GAD2: variants seen among roughly 807,000 people sequenced by gnomAD.
The protein encoded by GAD2 is 65 kDa glutamic acid decarboxylase.
Under a neutral mutation model 80.1 loss-of-function variants are expected in GAD2, and 22 were observed. The ratio of observed to expected loss-of-function variants is 0.27; its 90% CI spans 0.20 to 0.39. The LOEUF is 0.39. Among genes scored for constraint, GAD2 ranks in the 10% least tolerant of loss-of-function variants. The pLI is 1.00. For missense variants in GAD2, 624 were observed against 738.4 expected, an observed-to-expected ratio of 0.85 and a Z score of 1.80; for synonymous variants, 274 against 256.9, an observed-to-expected ratio of 1.07 and a Z score of -0.64.
intron 8 of GAD2, among the ~76,000 whole-genome samples, chr10:26,264,470 G>A (rs560387878): frequency 4.9e-5 from 7 of 142,804 alleles, no homozygotes; most frequent in African/African-American, 9.8e-5. Flanking sequence ...CACCACGCCC[G>A]GCTGATTTTT....
At chr10:26,223,141 T>C (rs936888938) in intron 4 of GAD2, among the ~76,000 whole-genome samples, 2 of 152,240 alleles carry the variant, frequency 1.3e-5, no homozygotes, top group Non-Finnish European at 2.9e-5. Flanking sequence ...AATCAGTCGA[T>C]TGAGTATATC....
At chr10:26,281,822 A>G (rs1349169101) in intron 12 of GAD2, among the ~76,000 whole-genome samples, 1 of 152,128 alleles carries the variant, frequency 6.6e-6, no homozygotes, top group Non-Finnish European at 1.5e-5. Context: ...CCTCACTCCC[A>G]CATTTATTTT....
intron 13 of GAD2, among the ~76,000 whole-genome samples, chr10:26,289,799 T>C (rs1229622989): frequency 6.6e-6 from 1 of 151,428 alleles, no homozygotes; most frequent in African/African-American, 2.4e-5. Context: ...CCACCTTTTT[T>C]TTTTTTTTTT....
At chr10:26,227,031 C>T (rs1266232769) in intron 6 of GAD2, among the ~76,000 whole-genome samples, 1 of 152,174 alleles carries the variant, frequency 6.6e-6, no homozygotes, top group East Asian at 1.9e-4. Context: ...CTCACTCTGT[C>T]GCCAAGGCTG....
intron 9 of GAD2, among the ~76,000 whole-genome samples, chr10:26,270,280 G>T (rs1354328241): frequency 2.0e-5 from 3 of 152,134 alleles, no homozygotes; most frequent in Non-Finnish European, 4.4e-5. Context: ...AGGCCTCGTT[G>T]TGAATAAGGA....
intron 13 of GAD2, among the ~76,000 whole-genome samples, chr10:26,291,769 A>G (rs780308388): frequency 1.3e-5 from 2 of 152,238 alleles, no homozygotes; most frequent in Non-Finnish European, 2.9e-5. Context: ...TCAGTTAAAC[A>G]GCTCCAGTCC....
chr10:26,216,769 A>AGCTCGCACGCGCGC, upstream of GAD2: 1 of 1,567,524 alleles, frequency 6.4e-7, no homozygotes, highest in African/African-American at 1.4e-5. The surrounding 1 kb of genome is among the most constrained non-coding windows in gnomAD (Gnocchi z 4.7). Context: ...GCTCGCCCGC[A>AGCTCGCACGCGCGC]GCTCGCACTC....
At chr10:26,222,896 T>C (rs1394590931) in intron 4 of GAD2, among the ~76,000 whole-genome samples, 1 of 152,250 alleles carries the variant, frequency 6.6e-6, no homozygotes, top group African/African-American at 2.4e-5. Flanking sequence ...ATGTGGAAGA[T>C]ACCTTTTTAT....
chr10:26,227,123 G>T (rs967764025), intron 6 of GAD2, among the ~76,000 whole-genome samples: 2 of 152,186 alleles, frequency 1.3e-5, no homozygotes, highest in African/African-American at 4.8e-5. Flanking sequence ...CTCTAGAGTA[G>T]CTGGGATTAC....
chr10:26,221,785 C>G (rs1368093022), intron 4 of GAD2, among the ~76,000 whole-genome samples: 2 of 152,246 alleles, frequency 1.3e-5, no homozygotes, highest in Non-Finnish European at 1.5e-5. Context: ...ACCTTCCTGG[C>G]TGCATAGGCT....
intron 4 of GAD2, 100 bp from the exon 5 acceptor site, chr10:26,223,787 G>C (rs1166070848): frequency 8.2e-6 from 6 of 731,656 alleles, no homozygotes; most frequent in Non-Finnish European, 1.4e-5. Flanking sequence ...TCCTGTTACT[G>C]ACAGATCTTT....
intron 8 of GAD2, among the ~76,000 whole-genome samples, chr10:26,249,916 C>G (rs1844858263): frequency 6.6e-6 from 1 of 152,082 alleles, no homozygotes; most frequent in Non-Finnish European, 1.5e-5. Flanking sequence ...CATGCACCAC[C>G]AGGAGGGCGG....
rs199541417 is a variant in GAD2 at position 26,217,799 on chromosome 10, C to T, written c.137-43C>T. On this transcript the variant is annotated intron_variant, in intron 2 of 15. Transcript: ENST00000376261. The surrounding 1 kb of genome is among the most constrained non-coding windows in gnomAD (Gnocchi z 4.9). ...TAGGCGGGAGCGAGGGAGCCGGGCC[C>T]GGCGGAGGATTGACGAGGCCCGCGT... The T allele has an allele frequency of 5.1e-6, 8 of 1,581,888 alleles. No individual in the cohort carries two copies. The highest frequency in any genetic ancestry group is 1.8e-4 in the Middle Eastern group (1 of 5,458).
At chr10:26,223,744 CGT>C (rs1844483803) in intron 4 of GAD2, 141 bp from the exon 5 acceptor site, 1 of 554,830 alleles carries the variant, frequency 1.8e-6, no homozygotes, top group African/African-American at 1.9e-5. Flanking sequence ...TGCATACACA[CGT>C]GTGTACATGT....
intron 13 of GAD2, among the ~76,000 whole-genome samples, chr10:26,288,956 G>A (rs1432111990): frequency 2.0e-5 from 3 of 152,118 alleles, no homozygotes; most frequent in Non-Finnish European, 4.4e-5. Flanking sequence ...GGAAGGGGAT[G>A]AAAAGAGCAA....
chr10:26,218,227 C>A lies in GAD2; in HGVS notation c.286+236C>A, dbSNP rs950074194. ...GCTCTGAGGCCGTGGCGCTCTTCCC[C>A]CAGCGCGGCCCTTGGGATGGCGGGT... On this transcript the variant is annotated intron_variant, in intron 3 of 15. Transcript: ENST00000376261. 2.9e-5 allele frequency: 12 copies of A among 413,560 alleles called. No homozygotes were observed. The East Asian group carries it at 4.6e-4, about 16-fold the overall frequency. The allele number at this position is 413,560 out of a possible 1,614,324, so 25.6% of individuals were successfully genotyped here.
At chr10:26,221,803 C>T (rs1253725537) in intron 4 of GAD2, among the ~76,000 whole-genome samples, 1 of 152,224 alleles carries the variant, frequency 6.6e-6, no homozygotes, top group Non-Finnish European at 1.5e-5. Flanking sequence ...GCTGTGTGGC[C>T]ACCCAATGGC....
At chr10:26,235,771 A>G (rs1844663174) in intron 7 of GAD2, among the ~76,000 whole-genome samples, 1 of 152,206 alleles carries the variant, frequency 6.6e-6, no homozygotes, top group Admixed American at 6.5e-5. Flanking sequence ...TTTAGAGGGA[A>G]GCTAAGATCC....
At chr10:26,235,074 A>G (rs533855810) in intron 7 of GAD2, among the ~76,000 whole-genome samples, 2 of 152,280 alleles carry the variant, frequency 1.3e-5, no homozygotes, top group African/African-American at 2.4e-5. Flanking sequence ...AGGTTTCACT[A>G]TGTTGGCCAG....
Sources: allele counts gnomAD v4.1 joint callset (sites outside exome capture counted in the v4.1 genomes callset), GRCh38; gene constraint gnomAD v4.1.1; non-coding constraint Gnocchi (gnomAD v3.1); transcripts MANE v1.5; gene names NCBI Gene and HGNC (gene_info 2026-07-23, HGNC 2026-07-21).